The following EPB41 variants were observed in gnomAD, a reference collection of about 807,000 sequenced individuals.
The protein encoded by EPB41 is erythrocyte membrane protein band 4.1, also known as protein 4.1.
EPB41 carries 65 observed loss-of-function variants against 108.0 expected under a neutral mutation model. That is an observed-to-expected ratio of 0.60 (90% CI 0.49 to 0.74). The LOEUF (loss-of-function observed/expected upper bound fraction) is 0.74, where lower values mean the gene tolerates loss of function less well. EPB41 is among the 30% of genes least tolerant of loss of function. The pLI, the probability that EPB41 is intolerant of heterozygous loss-of-function variation, is 0.00. For synonymous variants in EPB41, 336 were observed against 358.9 expected (o/e 0.94, Z 0.72); for missense variants, 875 against 1,037.0 (o/e 0.84, Z 2.15).
In EPB41 at chr1:29,011,883, A is replaced by G; in HGVS notation, c.805A>G (p.Lys269Glu). ...ATSKTWLDSA[K>E]EIKKQVRGVP... ...TTTACAGACATGGCTGGATTCCGCC[A>G]AAGAAATAAAAAAGCAGGTTCGTGG... Residue 269 changes from lysine to glutamate, a missense_variant, in exon 5 of 21, where the codon AAA becomes GAA. Physicochemically the swap from Lys to Glu is moderately conservative, Grantham distance 56 (BLOSUM62 1). Around this residue, in one of 3 missense-constraint regions of EPB41, gnomAD observed 353 missense variants for 393.2 expected, o/e 0.90. Transcript: ENST00000343067. The G allele has an allele frequency of 6.2e-7, 1 of 1,614,158 alleles. No individual in the cohort carries two copies. Among genetic ancestry groups the G allele is most frequent in the Non-Finnish European group, 8.5e-7 (1 of 1,179,990 alleles).
intron 2 of EPB41, among the ~76,000 whole-genome samples, chr1:28,992,472 A>C (rs1003501191): frequency 6.6e-6 from 1 of 152,186 alleles, no homozygotes; most frequent in Non-Finnish European, 1.5e-5. Flanking sequence ...GCAGATCATG[A>C]GGTCAGGAGA....
chr1:29,019,631 T>C (rs2096618671), intron 7 of EPB41, among the ~76,000 whole-genome samples: 1 of 152,138 alleles, frequency 6.6e-6, no homozygotes, highest in Admixed American at 6.5e-5. Context: ...ATCACACTGC[T>C]CAAAGAGAAA....
At chr1:28,921,938 TTATATATA>T (rs66808636) in intron 1 of EPB41, among the ~76,000 whole-genome samples, 17 of 102,652 alleles carry the variant, frequency 1.7e-4, no homozygotes, top group South Asian at 1.2e-3. Context: ...TTATGAAATT[TTATATATA>T]TATATATATA....
rs368700816 is a variant in EPB41, at chr1:29,039,302, A to T, written c.1512A>T (p.Gly504=). 6.4e-5 allele frequency: 104 copies of T among 1,614,026 alleles called. No individual in the cohort carries two copies. Among genetic ancestry groups the T allele is most frequent in the Admixed American group, 1.0e-4 (6 of 59,986 alleles). The change falls in exon 11 of 21, where the codon GGA becomes GGT. Residue 504 remains glycine, a synonymous_variant. Transcript: ENST00000343067. ...CCAAAAGCAAATTTCTTGCGCTAGG[A>T]TCCAAATTTCGATACAGTGGCCGGA... ...TIPKSKFLAL[G]SKFRYSGRTQ...
upstream of EPB41, among the ~76,000 whole-genome samples, chr1:28,911,426 T>A (rs2092251036): frequency 1.3e-5 from 2 of 152,244 alleles, no homozygotes; most frequent in East Asian, 3.8e-4. Context: ...AGCCTTTTGC[T>A]GTTAGCCTGA....
At chr1:29,066,873 C>T (rs1271259633) in intron 16 of EPB41, among the ~76,000 whole-genome samples, 1 of 151,416 alleles carries the variant, frequency 6.6e-6, no homozygotes, top group Non-Finnish European at 1.5e-5. Context: ...TGGGGTTTCA[C>T]TACGTTGGTC....
chr1:29,011,889 A>G lies in EPB41; in HGVS notation c.811A>G (p.Ile271Val), dbSNP rs1244699038. ...GACATGGCTGGATTCCGCCAAAGAA[A>G]TAAAAAAGCAGGTTCGTGGTAAGTG... Reference protein sequence around the residue: ...SKTWLDSAKEIKKQVRGVPWN... With the variant: ...SKTWLDSAKEVKKQVRGVPWN... The change falls in exon 5 of 21, where the codon ATA (isoleucine) becomes GTA (valine). Residue 271 changes from isoleucine (I) to valine (V), a missense_variant. Around this residue, in one of 3 missense-constraint regions of EPB41, gnomAD observed 353 missense variants for 393.2 expected, o/e 0.90. Coordinates refer to ENST00000343067, the MANE Select transcript of EPB41 (RefSeq NM_001376013.1). The G allele has an allele frequency of 6.2e-7, 1 of 1,614,178 alleles. No individual in the cohort carries two copies. The highest frequency in any genetic ancestry group is 1.7e-5 in the Admixed American group (1 of 60,036).
rs147642551 is a variant in EPB41, at chr1:29,115,768, C to T, written c.2566C>T (p.His856Tyr). Residue 856 changes from histidine (H) to tyrosine (Y), a missense_variant, in exon 20 of 21, where the codon CAC (histidine) becomes TAC (tyrosine). His to Tyr is a moderately conservative substitution (Grantham distance 83, BLOSUM62 2). Around this residue, in one of 3 missense-constraint regions of EPB41, gnomAD observed 519 missense variants for 627.3 expected, o/e 0.83. Coordinates refer to ENST00000343067, the MANE Select transcript of EPB41 (RefSeq NM_001376013.1). This position sits in a 1 kb window ranked among gnomAD's most constrained non-coding sequence, Gnocchi z 4.4. ...CATGTCAGTGACCAAGGTGGTCGTC[C>T]ACCAGGAGACCGAGATTGCTGATGA... ...PDMSVTKVVV[H>Y]QETEIADE 12 of 1,613,906 alleles carry T rather than the reference C, an allele frequency of 7.4e-6. No homozygotes were observed. The highest frequency in any genetic ancestry group is 1.0e-5 in the Non-Finnish European group (12 of 1,179,994).
chr1:29,067,686 G>A (rs1573494771), intron 16 of EPB41, among the ~76,000 whole-genome samples: 1 of 138,276 alleles, frequency 7.2e-6, no homozygotes, highest in Non-Finnish European at 1.6e-5. Flanking sequence ...AAAAAAAATT[G>A]GTTCACAAAG....
intron 1 of EPB41, among the ~76,000 whole-genome samples, chr1:28,953,153 G>C (rs1053713098): frequency 3.3e-5 from 5 of 151,758 alleles, no homozygotes; most frequent in African/African-American, 7.3e-5. Context: ...TGTCTCTTAA[G>C]TTTCTTTCAG....
intron 17 of EPB41, among the ~76,000 whole-genome samples, chr1:29,100,979 C>T (rs1665146223): frequency 6.6e-6 from 1 of 150,764 alleles, no homozygotes; most frequent in Non-Finnish European, 1.5e-5. Context: ...AAACCCAATA[C>T]TTTGGGAGGC....
chr1:28,940,712 C>A (rs1022869098), intron 1 of EPB41, among the ~76,000 whole-genome samples: 3 of 152,044 alleles, frequency 2.0e-5, no homozygotes, highest in Admixed American at 6.6e-5. Flanking sequence ...CTGTTCTAGA[C>A]TGGTTGCAAT....
chr1:29,113,301 C>A (rs1669829223), intron 19 of EPB41, among the ~76,000 whole-genome samples: 1 of 152,196 alleles, frequency 6.6e-6, no homozygotes, highest in African/African-American at 2.4e-5. Context: ...GACTGGGTTG[C>A]TGGAGCAATA....
rs764619508 is a variant in EPB41 at position 28,945,344 on chromosome 1, G to T, written c.-8+30576G>T. ...AATTCTCCTCCTTTTATTTGGAGGG[G>T]TGGGTGTTATATCGATAAAGACGGT... On this transcript the variant is annotated intron_variant, in intron 1 of 20. Coordinates refer to ENST00000343067, the MANE Select transcript of EPB41 (RefSeq NM_001376013.1). Among the ~76,000 whole-genome samples, 122 of 152,238 alleles carry T rather than the reference G, an allele frequency of 8.0e-4. 1 individual carries two copies. The highest frequency in any genetic ancestry group is 1.6e-3 in the Non-Finnish European group (110 of 68,024).
chr1:28,966,872 G>A (rs1454501476), intron 1 of EPB41, among the ~76,000 whole-genome samples: 6 of 152,136 alleles, frequency 3.9e-5, no homozygotes, highest in Admixed American at 2.6e-4. Context: ...TATTCTGAAT[G>A]GCAGGAAATG....
intron 4 of EPB41, among the ~76,000 whole-genome samples, chr1:29,002,195 G>GCT (rs2096307032): frequency 6.6e-6 from 1 of 152,130 alleles, no homozygotes; most frequent in African/African-American, 2.4e-5. Flanking sequence ...GGGCATGGTA[G>GCT]CTCATACCTG....
chr1:29,033,013 T>C lies in EPB41; in HGVS notation c.1213-80T>C, dbSNP rs1027013652. 12 of 1,371,232 alleles carry C rather than the reference T, an allele frequency of 8.8e-6. No individual in the cohort carries two copies. The Admixed American group carries it at 1.9e-4, about 21-fold the overall frequency. The allele number at this position is 1,371,232 out of a possible 1,614,324, so 84.9% of individuals were successfully genotyped here. A position where few individuals can be genotyped will look rare whatever the true frequency, so the allele number is the denominator to read the frequency against. On this transcript the variant is annotated intron_variant, in intron 8 of 20. Transcript: ENST00000343067. ...GTTTTGTAACTGTTTTTGGTTGTTATCTTCAGATTATCTAGTAATAGTCAA... is the reference window on the plus strand; with the variant it reads ...GTTTTGTAACTGTTTTTGGTTGTTACCTTCAGATTATCTAGTAATAGTCAA...
chr1:28,948,293 C>A (rs2094559280), intron 1 of EPB41, among the ~76,000 whole-genome samples: 1 of 151,624 alleles, frequency 6.6e-6, no homozygotes, highest in Non-Finnish European at 1.5e-5. Context: ...GCGGGCGGAT[C>A]ACGAGGTAAG....
intron 1 of EPB41, among the ~76,000 whole-genome samples, chr1:28,965,077 C>A (rs2095326943): frequency 6.6e-6 from 1 of 152,158 alleles, no homozygotes; most frequent in South Asian, 2.1e-4. Context: ...TGGCTCTTAT[C>A]TTGGTGCCTA....
Sources: allele counts gnomAD v4.1 joint callset (sites outside exome capture counted in the v4.1 genomes callset), GRCh38; gene constraint gnomAD v4.1.1; regional missense constraint gnomAD v4.1.1; non-coding constraint Gnocchi (gnomAD v3.1); transcripts MANE v1.5; gene names NCBI Gene and HGNC (gene_info 2026-07-23, HGNC 2026-07-21).